Variants in SH3BP1 observed in about 807,000 individuals in gnomAD.
The protein encoded by SH3BP1 is SH3 domain-binding protein 1.
SH3BP1 carries 46 observed loss-of-function variants against 69.8 expected under a neutral mutation model. The observed-to-expected ratio is 0.66, with a 90% CI of 0.52 to 0.84. The LOEUF (loss-of-function observed/expected upper bound fraction) is 0.84. Ranked by LOEUF, SH3BP1 falls within the 40% of genes least tolerant of loss-of-function variation. The pLI, the probability that SH3BP1 is intolerant of heterozygous loss-of-function variation, is 0.00. For missense variants in SH3BP1, 868 were observed against 930.9 expected, an observed-to-expected ratio of 0.93 and a Z score of 0.88; for synonymous variants, 403 against 378.0, an observed-to-expected ratio of 1.07 and a Z score of -0.77.
Position 37,655,336 on chromosome 22 carries a change from C to T in SH3BP1, c.1758C>T (p.Ser586=). Residue 586 remains serine, a synonymous_variant, in exon 18 of 18, where the codon TCC becomes TCT. Transcript: ENST00000649765. ...CCCAGGTCTCCGGCTCCCGCTCCTC[C>T]CCTCCAGCCCCGCCCTTGCCCCCTG... The part of the protein sequence containing the change: ...PPPQVSGSRS[S]PPAPPLPPGS... 6.7e-7 allele frequency: 1 copy of T among 1,493,988 alleles called. No homozygotes were observed. The highest frequency in any genetic ancestry group is 9.0e-7 in the Non-Finnish European group (1 of 1,116,526). 92.5% of individuals were successfully genotyped at this position (1,493,988 alleles called of 1,614,324 possible). A position where few individuals can be genotyped will look rare whatever the true frequency, so the allele number is the denominator to read the frequency against.
chr22:37,650,673 G>A lies in SH3BP1; in HGVS notation c.1546G>A (p.Ala516Thr). 6.2e-7 allele frequency: 1 copy of A among 1,613,396 alleles called. No individual in the cohort carries two copies. Among genetic ancestry groups the A allele is most frequent in the Non-Finnish European group, 8.5e-7 (1 of 1,179,696 alleles). ...TPATTPAPAP[A>T]PAPAPAPALA... ...AGCCACCACCCCGGCTCCGGCTCCG[G>A]CTCCAGCTCCAGCTCCGGCCCCAGC... Residue 516 changes from alanine (A) to threonine (T), a missense_variant, in exon 16 of 18, where the codon GCT becomes ACT. Ala to Thr is a moderately conservative substitution (Grantham distance 58). Coordinates refer to ENST00000649765, the MANE Select transcript of SH3BP1 (RefSeq NM_018957.6).
intron 12 of SH3BP1, 34 bp from the exon 13 acceptor site, chr22:37,647,407 G>A: frequency 2.5e-6 from 4 of 1,612,018 alleles, no homozygotes; most frequent in Non-Finnish European, 3.4e-6. Flanking sequence ...GTGTAGCCCT[G>A]CGCTGGCTGA....
intron 1 of SH3BP1, chr22:37,640,760 C>T: frequency 3.4e-6 from 1 of 295,682 alleles, no homozygotes; most frequent in South Asian, 3.8e-5. Context: ...TTCTTGGGGC[C>T]AGCTAATACT....
Position 37,643,193 on chromosome 22 carries a change from CA to C in SH3BP1, c.473+20del. 2 of 1,592,584 alleles carry C rather than the reference CA, an allele frequency of 1.3e-6. No individual in the cohort carries two copies. The highest frequency in any genetic ancestry group is 1.7e-6 in the Non-Finnish European group (2 of 1,167,236). ...AGAGCAGGTGGGAGCCCCAGCCGCT[CA>C]GGGGGCTCATATCTGGGTCAGCCCA... On this transcript the variant is annotated intron_variant, in intron 6 of 17. Coordinates refer to ENST00000649765, the MANE Select transcript of SH3BP1 (RefSeq NM_018957.6).
intron 16 of SH3BP1, among the ~76,000 whole-genome samples, chr22:37,651,103 G>A (rs1413043440): frequency 6.6e-6 from 1 of 151,920 alleles, no homozygotes; most frequent in African/African-American, 2.4e-5. Context: ...GCACAATCTT[G>A]GCTCACTGCA....
chr22:37,642,864 C>T (rs200045601), intron 4 of SH3BP1, 31 bp from the exon 5 acceptor site: 296 of 1,603,822 alleles, frequency 1.8e-4, no homozygotes, highest in Middle Eastern at 3.3e-4. Flanking sequence ...GGGCAGCGGG[C>T]GCCTGGACCC....
chr22:37,650,148 C>T lies in SH3BP1; in HGVS notation c.1317-4C>T. ...TGCTGAGCAGATGCATCTCTTTGTC[C>T]CAGGGACCAGGCCCAGCTGGATGCA... On this transcript the variant is annotated splice_region_variant and splice_polypyrimidine_tract_variant and intron_variant, in intron 14 of 17. Coordinates refer to ENST00000649765, the MANE Select transcript of SH3BP1 (RefSeq NM_018957.6). 6.2e-7 allele frequency: 1 copy of T among 1,614,084 alleles called. No homozygotes were observed. Among genetic ancestry groups the T allele is most frequent in the Non-Finnish European group, 8.5e-7 (1 of 1,180,020 alleles).
chr22:37,643,860 G>A (rs1005113633), intron 7 of SH3BP1, 72 bp downstream of exon 7: 15 of 1,578,998 alleles, frequency 9.5e-6, no homozygotes, highest in Middle Eastern at 2.2e-4. Context: ...CACAGGCAAG[G>A]AAGCTGAAGT....
At chr22:37,645,717 C>T (rs1361909304) in intron 10 of SH3BP1, among the ~76,000 whole-genome samples, 1 of 152,176 alleles carries the variant, frequency 6.6e-6, no homozygotes, top group African/African-American at 2.4e-5. Flanking sequence ...GAAGCCTTTG[C>T]ATTCCAGGCT....
intron 2 of SH3BP1, 86 bp from the exon 3 acceptor site, chr22:37,641,288 A>G (rs1932582839): frequency 2.0e-6 from 3 of 1,512,544 alleles, no homozygotes; most frequent in East Asian, 2.5e-5. Flanking sequence ...GCTGTTGGCC[A>G]TGGGGTCCCC....
Position 37,642,634 on chromosome 22 carries a change from C to T in SH3BP1, c.284+19C>T. The T allele has an allele frequency of 6.2e-7, 1 of 1,613,168 alleles. No homozygotes were observed. On this transcript the variant is annotated intron_variant, in intron 4 of 17. Coordinates refer to ENST00000649765, the MANE Select transcript of SH3BP1 (RefSeq NM_018957.6). ...GCATGGGGTGAGCACAGACGGGGCC[C>T]AGCCCTCACCTGGGGATACCAAGAC...
chr22:37,647,859 A>G (rs1932811966), intron 13 of SH3BP1, among the ~76,000 whole-genome samples: 1 of 152,006 alleles, frequency 6.6e-6, no homozygotes, highest in African/African-American at 2.4e-5. Context: ...TATTTTTAGT[A>G]AAGGTGGGGT....
chr22:37,647,076 C>T, intron 11 of SH3BP1, 147 bp downstream of exon 11: 1 of 735,660 alleles, frequency 1.4e-6, no homozygotes, highest in African/African-American at 1.8e-5. Flanking sequence ...CCATCATGAG[C>T]CCCCCGAAAA....
In SH3BP1 at chr22:37,641,109, C is replaced by CCG. The variant is rs1932572065; in HGVS notation, c.60-16_60-15insGC. Reference sequence around the variant, plus strand: ...CAGCAGAAGCACTCTCCCCCCCCCCCCCACCACTCCCCGCAGCACCCCGGA... The same window carrying CCG: ...CAGCAGAAGCACTCTCCCCCCCCCCCCGCCACCACTCCCCGCAGCACCCCGGA... On this transcript the variant is annotated splice_polypyrimidine_tract_variant and intron_variant, in intron 1 of 17. Coordinates refer to ENST00000649765, the MANE Select transcript of SH3BP1 (RefSeq NM_018957.6). The CCG allele has an allele frequency of 7.2e-7, 1 of 1,390,856 alleles. No homozygotes were observed. Among genetic ancestry groups the CCG allele is most frequent in the Non-Finnish European group, 9.8e-7 (1 of 1,018,578 alleles). The allele number at this position is 1,390,856 out of a possible 1,614,324, so 86.2% of individuals were successfully genotyped here.
chr22:37,643,017 G>C lies in SH3BP1; in HGVS notation c.396+11G>C, dbSNP rs1932660320. On this transcript the variant is annotated intron_variant, in intron 5 of 17. Coordinates refer to ENST00000649765, the MANE Select transcript of SH3BP1 (RefSeq NM_018957.6). ...AGCAGGCTGAGTGAGGTGAGCCTGT[G>C]CCCTGCTTTCAGCCCCCAGCTTCCC... The C allele has an allele frequency of 6.2e-7, 1 of 1,611,358 alleles. No individual in the cohort carries two copies. Among genetic ancestry groups the C allele is most frequent in the African/African-American group, 1.3e-5 (1 of 74,816 alleles).
In SH3BP1 at chr22:37,655,425, C is replaced by T. The variant is rs756310269; in HGVS notation, c.1847C>T (p.Ala616Val). The change falls in exon 18 of 18, where the codon GCC becomes GTC. Residue 616 changes from alanine to valine, a missense_variant. Around this residue, in one of 3 missense-constraint regions of SH3BP1, gnomAD observed 474 missense variants for 462.3 expected, o/e 1.03. Transcript: ENST00000649765. ...CGTCTGGTTGGCAGCAGCCTCCGAGCCCCCACAGTGCCACCCCCGTTACCC... is the reference window on the plus strand; with the variant it reads ...CGTCTGGTTGGCAGCAGCCTCCGAGTCCCCACAGTGCCACCCCCGTTACCC... ...PRRLVGSSLR[A>V]PTVPPPLPPT... The T allele has an allele frequency of 3.8e-6, 5 of 1,309,670 alleles. No homozygotes were observed. In the Admixed American group the frequency reaches 9.0e-5, roughly 24 times the overall value. 81.1% of individuals were successfully genotyped at this position (1,309,670 alleles called of 1,614,324 possible). A position where few individuals can be genotyped will look rare whatever the true frequency, so the allele number is the denominator to read the frequency against.
chr22:37,646,813 C>A lies in SH3BP1; in HGVS notation c.925-5C>A. 2 of 1,517,760 alleles carry A rather than the reference C, an allele frequency of 1.3e-6. No homozygotes were observed. Among genetic ancestry groups the A allele is most frequent in the South Asian group, 1.2e-5 (1 of 80,518 alleles). 94.0% of individuals were successfully genotyped at this position (1,517,760 alleles called of 1,614,324 possible). On this transcript the variant is annotated splice_polypyrimidine_tract_variant and splice_region_variant and intron_variant, in intron 10 of 17. Coordinates refer to ENST00000649765, the MANE Select transcript of SH3BP1 (RefSeq NM_018957.6). ...TGACCCTTGCCTGCCTCCTCTCGAACCCAGGGTCTCTTCCGTCTGGCTGCT... is the reference window on the plus strand; with the variant it reads ...TGACCCTTGCCTGCCTCCTCTCGAAACCAGGGTCTCTTCCGTCTGGCTGCT...
rs1451586039 is a variant in SH3BP1, at chr22:37,650,342, G to A, written c.1414+93G>A. On this transcript the variant is annotated intron_variant, in intron 15 of 17. Coordinates refer to ENST00000649765, the MANE Select transcript of SH3BP1 (RefSeq NM_018957.6). ...CCCCACAAACTCACCATAAGTCCAG[G>A]AGGAAGTCTGAGCCTCAGTTTCTCA... The A allele has an allele frequency of 8.0e-6, 12 of 1,508,784 alleles. No individual in the cohort carries two copies. The South Asian group carries it at 1.5e-4, about 19-fold the overall frequency. 93.5% of individuals were successfully genotyped at this position (1,508,784 alleles called of 1,614,324 possible). A position where few individuals can be genotyped will look rare whatever the true frequency, so the allele number is the denominator to read the frequency against.
intron 6 of SH3BP1, 84 bp downstream of exon 6, chr22:37,643,258 A>C: frequency 8.3e-7 from 1 of 1,211,056 alleles, no homozygotes; most frequent in Non-Finnish European, 1.2e-6. Flanking sequence ...TGGCCACACC[A>C]GGAGGATGCT....
Sources: gnomAD v4.1 joint callset for allele counts (sites outside exome capture counted in the v4.1 genomes callset) on GRCh38, gnomAD v4.1.1 for gene constraint, gnomAD v4.1.1 regional missense constraint, MANE v1.5 for transcripts, NCBI Gene and HGNC (gene_info 2026-07-23, HGNC 2026-07-21) for gene names.